WDR70: variants seen among roughly 807,000 people sequenced by gnomAD.
The protein encoded by WDR70 is WD repeat domain 70.
In WDR70, 53 loss-of-function variants were observed where a neutral mutation model predicts 88.6. The observed-to-expected ratio is 0.60, with a 90% CI of 0.48 to 0.75. The LOEUF is 0.75. Ranked by LOEUF, WDR70 falls within the 30% of genes least tolerant of loss-of-function variation. The pLI, the probability that WDR70 is intolerant of heterozygous loss-of-function variation, is 0.00. For synonymous variants in WDR70, 280 were observed against 270.0 expected (o/e 1.04, Z -0.36); for missense variants, 610 against 823.2 (o/e 0.74, Z 3.17).
At chr5:37,485,817 G>A (rs142206798) in intron 8 of WDR70, among the ~76,000 whole-genome samples, 90 of 149,504 alleles carry the variant, frequency 6.0e-4, no homozygotes, top group African/African-American at 1.6e-3. Flanking sequence ...TTAGCCTCCC[G>A]AGTAGCTAAG....
chr5:37,617,343 A>T (rs189903708), intron 10 of WDR70, among the ~76,000 whole-genome samples: 1 of 152,366 alleles, frequency 6.6e-6, no homozygotes, highest in African/African-American at 2.4e-5. Flanking sequence ...GATTGTGGTG[A>T]TGGTTGTACA....
chr5:37,681,447 C>T (rs1056778259), intron 10 of WDR70, among the ~76,000 whole-genome samples: 2 of 152,056 alleles, frequency 1.3e-5, no homozygotes, highest in African/African-American at 4.8e-5. Flanking sequence ...TTCCTCTGGC[C>T]AGGACTTCCA....
At chr5:37,514,108 G>C (rs1308541289) in intron 8 of WDR70, among the ~76,000 whole-genome samples, 2 of 151,528 alleles carry the variant, frequency 1.3e-5, no homozygotes, top group African/African-American at 4.8e-5. Context: ...TCCAACTCCT[G>C]GGTTCAAGGG....
intron 13 of WDR70, among the ~76,000 whole-genome samples, chr5:37,719,761 T>TG (rs1747751794): frequency 6.6e-6 from 1 of 150,376 alleles, no homozygotes; most frequent in African/African-American, 2.5e-5. Flanking sequence ...GCCATTTACC[T>TG]ATTTTTTTTT....
intron 10 of WDR70, among the ~76,000 whole-genome samples, chr5:37,686,810 G>T (rs1043364257): frequency 6.6e-6 from 1 of 151,456 alleles, no homozygotes; most frequent in Non-Finnish European, 1.5e-5. Flanking sequence ...CTGGGATTTT[G>T]TGCTTGCGTT....
chr5:37,629,794 G>C (rs10062817), intron 10 of WDR70, among the ~76,000 whole-genome samples: 1 of 152,030 alleles, frequency 6.6e-6, no homozygotes, highest in Non-Finnish European at 1.5e-5. Flanking sequence ...ATTGTGGTCT[G>C]TTACTAGAGA....
intron 10 of WDR70, among the ~76,000 whole-genome samples, chr5:37,631,401 C>G (rs1744813469): frequency 6.6e-6 from 1 of 152,084 alleles, no homozygotes; most frequent in Non-Finnish European, 1.5e-5. Context: ...CTGCTATTTA[C>G]CTCACCGTTA....
chr5:37,581,509 T>A (rs187552824), intron 9 of WDR70, among the ~76,000 whole-genome samples: 1 of 152,182 alleles, frequency 6.6e-6, no homozygotes, highest in Non-Finnish European at 1.5e-5. Flanking sequence ...CTGTTACTCA[T>A]GTCGTTATTT....
At chr5:37,491,346 G>A (rs1271228349) in intron 8 of WDR70, among the ~76,000 whole-genome samples, 4 of 152,112 alleles carry the variant, frequency 2.6e-5, no homozygotes, top group Non-Finnish European at 4.4e-5. Context: ...TGAGTGTCTG[G>A]TGCTTCTAGT....
At chr5:37,617,833 AAC>A (rs1377376012) in intron 10 of WDR70, among the ~76,000 whole-genome samples, 3 of 152,220 alleles carry the variant, frequency 2.0e-5, no homozygotes, top group Non-Finnish European at 4.4e-5. Context: ...TAAAAGGTGA[AAC>A]ATATACACTG....
At chr5:37,570,471 T>G (rs1292957292) in intron 9 of WDR70, among the ~76,000 whole-genome samples, 1 of 152,132 alleles carries the variant, frequency 6.6e-6, no homozygotes. Context: ...AAGTATTTGA[T>G]AATTGAAATC....
In WDR70 at chr5:37,726,895, G is replaced by A; in HGVS notation, c.1727G>A (p.Arg576Gln). 2 of 1,583,224 alleles carry A rather than the reference G, an allele frequency of 1.3e-6. No homozygotes were observed. The highest frequency in any genetic ancestry group is 1.7e-6 in the Non-Finnish European group (2 of 1,169,718). Residue 576 changes from arginine to glutamine, a missense_variant, in exon 17 of 18, where the codon CGA (arginine) becomes CAA (glutamine). Arg to Gln is a conservative substitution (Grantham distance 43). Coordinates refer to ENST00000265107, the MANE Select transcript of WDR70 (RefSeq NM_018034.4). ...TCTTTTGCAATAGGTCGTGGTGGCCGAGTTGGAACCCACGGGGGCACTCTC... is the reference window on the plus strand; with the variant it reads ...TCTTTTGCAATAGGTCGTGGTGGCCAAGTTGGAACCCACGGGGGCACTCTC... Reference protein sequence around the residue: ...PPVAGPGRGGRVGTHGGTLSS... With the variant: ...PPVAGPGRGGQVGTHGGTLSS...
At chr5:37,609,620 A>AACTTG (rs1312013029) in intron 10 of WDR70, among the ~76,000 whole-genome samples, 1 of 152,228 alleles carries the variant, frequency 6.6e-6, no homozygotes, top group African/African-American at 2.4e-5. Context: ...CACCACTAGC[A>AACTTG]ACTTGACCCC....
chr5:37,484,803 T>G (rs891777352), intron 8 of WDR70, among the ~76,000 whole-genome samples: 7 of 152,218 alleles, frequency 4.6e-5, no homozygotes, highest in African/African-American at 1.4e-4. Context: ...TTCTGTGTGT[T>G]TGTTCCCCCT....
At chr5:37,707,937 AAAAAAAAAAAAATATATATATATATATAT>A (rs1561083618) in intron 13 of WDR70, among the ~76,000 whole-genome samples, 8 of 35,576 alleles carry the variant, frequency 2.2e-4, no homozygotes, top group South Asian at 1.1e-3. Context: ...AAAAAAAAAA[AAAAAAAAAAAAATATATATATATATATAT>A]ATATATATAT....
intron 9 of WDR70, among the ~76,000 whole-genome samples, chr5:37,547,358 G>A (rs892385090): frequency 6.6e-6 from 1 of 152,110 alleles, no homozygotes; most frequent in Admixed American, 6.5e-5. Context: ...GCAAAGACTT[G>A]CATATTATAA....
At chr5:37,397,486 AT>A (rs1749054694) in intron 5 of WDR70, among the ~76,000 whole-genome samples, 2 of 146,110 alleles carry the variant, frequency 1.4e-5, no homozygotes, top group South Asian at 4.4e-4. Flanking sequence ...AAAAAAAAAA[AT>A]CTATGTATGC....
intron 10 of WDR70, among the ~76,000 whole-genome samples, chr5:37,692,800 C>T (rs1279347406): frequency 6.6e-6 from 1 of 151,992 alleles, no homozygotes; most frequent in African/African-American, 2.4e-5. Context: ...CTTTGAAAAC[C>T]AGCACAAGAC....
At chr5:37,417,445 G>A (rs1365608705) in intron 5 of WDR70, among the ~76,000 whole-genome samples, 1 of 151,794 alleles carries the variant, frequency 6.6e-6, no homozygotes, top group Non-Finnish European at 1.5e-5. Context: ...GGCTGGTCTC[G>A]AACTCCTGGG....
Sources: allele counts gnomAD v4.1 joint callset (sites outside exome capture counted in the v4.1 genomes callset), GRCh38; gene constraint gnomAD v4.1.1; transcripts MANE v1.5; gene names NCBI Gene and HGNC (gene_info 2026-07-23, HGNC 2026-07-21).